The following PABPC4L variants were observed in gnomAD, a reference collection of about 807,000 sequenced individuals.
PABPC4L encodes poly(A) binding protein cytoplasmic 4 like.
For missense variants in PABPC4L, 452 were observed against 451.4 expected (o/e 1.00, Z -0.01); for synonymous variants, 169 against 164.1 (o/e 1.03, Z -0.23).
the PABPC4L span, among the ~76,000 whole-genome samples, chr4:134,081,639 T>TA: frequency 1.3e-5 from 2 of 151,976 alleles, no homozygotes; most frequent in African/African-American, 4.8e-5. Flanking sequence ...AAATCCTGCA[T>TA]AGCCAACGGT....
the PABPC4L span, among the ~76,000 whole-genome samples, chr4:134,086,451 G>A: frequency 1.3e-5 from 2 of 151,998 alleles, no homozygotes; most frequent in Non-Finnish European, 2.9e-5. Context: ...TGGACCACAG[G>A]GATGGTCTGT....
the PABPC4L span, among the ~76,000 whole-genome samples, chr4:134,171,456 A>C: frequency 6.6e-6 from 1 of 152,094 alleles, no homozygotes; most frequent in African/African-American, 2.4e-5. Flanking sequence ...TACTTTGCCC[A>C]CTTTTAAATG....
the PABPC4L span, among the ~76,000 whole-genome samples, chr4:134,190,736 T>C: frequency 1.3e-5 from 2 of 151,896 alleles, no homozygotes; most frequent in African/African-American, 2.4e-5. Flanking sequence ...ACTGCAACCT[T>C]TGCCTTCCAG....
chr4:134,123,422 C>A, the PABPC4L span, among the ~76,000 whole-genome samples: 2 of 152,032 alleles, frequency 1.3e-5, no homozygotes, highest in Non-Finnish European at 2.9e-5. Flanking sequence ...TAACTCAGGG[C>A]ATCACCTTAT....
At chr4:134,005,410 G>T in the PABPC4L span, among the ~76,000 whole-genome samples, 1 of 151,858 alleles carries the variant, frequency 6.6e-6, no homozygotes, top group Non-Finnish European at 1.5e-5. Context: ...TTAAGGAAGA[G>T]ATGTGATTGT....
the PABPC4L span, among the ~76,000 whole-genome samples, chr4:134,020,839 T>C: frequency 6.6e-6 from 1 of 152,150 alleles, no homozygotes; most frequent in Non-Finnish European, 1.5e-5. Context: ...TATAATCTCA[T>C]AATATAGTTA....
the PABPC4L span, among the ~76,000 whole-genome samples, chr4:134,060,957 T>C: frequency 2.6e-5 from 4 of 152,048 alleles, no homozygotes; most frequent in Non-Finnish European, 4.4e-5. Context: ...GGATGTCAGA[T>C]GGTTAATGGG....
chr4:134,123,331 A>G, the PABPC4L span, among the ~76,000 whole-genome samples: 1 of 152,082 alleles, frequency 6.6e-6, no homozygotes, highest in Non-Finnish European at 1.5e-5. Flanking sequence ...CAGAAAAATT[A>G]CCAATAAGAA....
chr4:134,184,933 T>C, the PABPC4L span, among the ~76,000 whole-genome samples: 2 of 152,044 alleles, frequency 1.3e-5, no homozygotes, highest in Admixed American at 6.6e-5. Flanking sequence ...TGTGAGTCTC[T>C]ACTTACAGCT....
At chr4:134,069,404 C>T in the PABPC4L span, among the ~76,000 whole-genome samples, 1 of 152,084 alleles carries the variant, frequency 6.6e-6, no homozygotes, top group East Asian at 1.9e-4. Flanking sequence ...TGGACAATAT[C>T]CTGAAATATT....
At chr4:134,079,642 T>C in the PABPC4L span, among the ~76,000 whole-genome samples, 1 of 133,550 alleles carries the variant, frequency 7.5e-6, no homozygotes, top group Admixed American at 7.7e-5. Flanking sequence ...CTAGTAAGAA[T>C]ACAAGGATGT....
At chr4:134,142,358 C>T in the PABPC4L span, among the ~76,000 whole-genome samples, 2 of 151,562 alleles carry the variant, frequency 1.3e-5, no homozygotes, top group Non-Finnish European at 3.0e-5. Context: ...GAAAGAGACA[C>T]GTTTTATCCG....
the PABPC4L span, among the ~76,000 whole-genome samples, chr4:134,067,344 T>G: frequency 3.5e-4 from 54 of 152,224 alleles, no homozygotes; most frequent in African/African-American, 1.3e-3. Flanking sequence ...TGTCTCAGGA[T>G]TTTTTGTATT....
At chr4:133,969,573 T>C in the PABPC4L span, among the ~76,000 whole-genome samples, 12,790 of 152,238 alleles carry the variant, frequency 0.084, 749 homozygotes, top group Admixed American at 0.19. Context: ...AATGCACATA[T>C]GTAATAACCC....
chr4:134,161,201 T>A, the PABPC4L span, among the ~76,000 whole-genome samples: 2 of 150,902 alleles, frequency 1.3e-5, no homozygotes, highest in Middle Eastern at 3.4e-3. Flanking sequence ...GAAGAAAGAA[T>A]TAGTAAGCTT....
chr4:134,115,852 C>T, the PABPC4L span, among the ~76,000 whole-genome samples: 5 of 151,170 alleles, frequency 3.3e-5, no homozygotes, highest in African/African-American at 4.9e-5. Flanking sequence ...ATCACATCTG[C>T]GAATCTAGGG....
the PABPC4L span, among the ~76,000 whole-genome samples, chr4:134,186,260 G>A: frequency 6.6e-6 from 1 of 152,080 alleles, no homozygotes; most frequent in African/African-American, 2.4e-5. Flanking sequence ...CAAAGCTGGA[G>A]GCATCATGCT....
chr4:134,012,400 T>G, the PABPC4L span, among the ~76,000 whole-genome samples: 1 of 151,974 alleles, frequency 6.6e-6, no homozygotes, highest in African/African-American at 2.4e-5. Flanking sequence ...GCTCAAAAGC[T>G]CCCTACTGAG....
the PABPC4L span, among the ~76,000 whole-genome samples, chr4:133,980,448 C>T: frequency 6.6e-6 from 1 of 152,012 alleles, no homozygotes; most frequent in Admixed American, 6.6e-5. Context: ...GTGTTTATTA[C>T]TTTTTGTTTG....
Sources: allele counts gnomAD v4.1 joint callset (sites outside exome capture counted in the v4.1 genomes callset), GRCh38; gene constraint gnomAD v4.1.1; transcripts MANE v1.5; gene names NCBI Gene and HGNC (gene_info 2026-07-23, HGNC 2026-07-21).